FGF12: variants seen among roughly 807,000 people sequenced by gnomAD.
FGF12 encodes fibroblast growth factor 12B.
In FGF12, 14 loss-of-function variants were observed where a neutral mutation model predicts 23.6. That is an observed-to-expected ratio of 0.59 (90% confidence interval 0.39 to 0.93). The LOEUF is 0.93. FGF12 is among the 40% of genes least tolerant of loss of function. FGF12 has a pLI of 0.00. For synonymous variants in FGF12, 62 were observed against 77.3 expected, an observed-to-expected ratio of 0.80 and a Z score of 1.04; for missense variants, 175 against 217.8, an observed-to-expected ratio of 0.80 and a Z score of 1.24.
intron 3 of FGF12, among the ~76,000 whole-genome samples, chr3:192,352,023 A>G (rs1241561901): frequency 6.6e-6 from 1 of 150,540 alleles, no homozygotes; most frequent in Non-Finnish European, 1.5e-5. Flanking sequence ...CTATATCACT[A>G]CATATTTTTC....
At chr3:192,560,368 T>A (rs1711969191) in intron 2 of FGF12, among the ~76,000 whole-genome samples, 1 of 150,894 alleles carries the variant, frequency 6.6e-6, no homozygotes, top group Non-Finnish European at 1.5e-5. Context: ...AGAGCAAAAA[T>A]CAAAATATAA....
intron 4 of FGF12, among the ~76,000 whole-genome samples, chr3:192,254,320 G>T (rs536154360): frequency 1.0e-3 from 158 of 151,636 alleles, no homozygotes; most frequent in African/African-American, 3.7e-3. Context: ...TGTCCTCTAG[G>T]TTCATTTATG....
rs541465354 is a variant in FGF12 at position 192,551,580 on chromosome 3, C to T, written c.13+175601G>A. 2.6e-5 allele frequency among the ~76,000 whole-genome samples: 4 copies of T among 152,300 alleles called. No individual in the cohort carries two copies. The South Asian group carries it at 8.3e-4, about 32-fold the overall frequency. On this transcript the variant is annotated intron_variant, in intron 2 of 5. Transcript: ENST00000445105. ...AGCTTCACTGAGCAACAAAAGCATT[C>T]GGTCGAGATGCTGGAATGACCATGC...
chr3:192,157,927 A>G (rs1377960269), intron 5 of FGF12, among the ~76,000 whole-genome samples: 1 of 152,192 alleles, frequency 6.6e-6, no homozygotes, highest in Non-Finnish European at 1.5e-5. Context: ...AGATACTTTT[A>G]GTGGCCTGTT....
chr3:192,685,796 A>G (rs1451903071), intron 2 of FGF12, among the ~76,000 whole-genome samples: 7 of 152,248 alleles, frequency 4.6e-5, no homozygotes, highest in African/African-American at 1.7e-4. Flanking sequence ...TGTGATAAAA[A>G]GATTTACTTA....
At chr3:192,567,643 C>CT (rs1036171065) in intron 2 of FGF12, among the ~76,000 whole-genome samples, 3 of 152,096 alleles carry the variant, frequency 2.0e-5, no homozygotes, top group Non-Finnish European at 4.4e-5. Flanking sequence ...CCTCTCTTGA[C>CT]TTTTTAGCTT....
At chr3:192,181,891 T>G (rs563491832) in intron 4 of FGF12, among the ~76,000 whole-genome samples, 1 of 151,876 alleles carries the variant, frequency 6.6e-6, no homozygotes, top group East Asian at 2.0e-4. Flanking sequence ...ATTACAGACA[T>G]GGGCCACCAT....
intron 4 of FGF12, among the ~76,000 whole-genome samples, chr3:192,292,283 G>C (rs1330265647): frequency 6.6e-6 from 1 of 151,808 alleles, no homozygotes; most frequent in African/African-American, 2.4e-5. Context: ...CATTGTGTCA[G>C]GAATACCAAA....
intron 2 of FGF12, among the ~76,000 whole-genome samples, chr3:192,607,116 T>C (rs1346166260): frequency 6.6e-6 from 1 of 152,100 alleles, no homozygotes; most frequent in East Asian, 2.0e-4. Flanking sequence ...GTTTTCACTG[T>C]TGTTTATTTA....
chr3:192,202,817 TA>T (rs1174932998), intron 4 of FGF12, among the ~76,000 whole-genome samples: 8 of 152,174 alleles, frequency 5.3e-5, no homozygotes, highest in Non-Finnish European at 1.2e-4. Flanking sequence ...CTTTGCAACT[TA>T]AAAAGTGCTA....
At chr3:192,299,909 A>G (rs1309418397) in intron 4 of FGF12, among the ~76,000 whole-genome samples, 1 of 152,178 alleles carries the variant, frequency 6.6e-6, no homozygotes, top group African/African-American at 2.4e-5. Flanking sequence ...ATTCTATTAG[A>G]TATTTCCTCA....
intron 2 of FGF12, among the ~76,000 whole-genome samples, chr3:192,621,913 C>T (rs1270268773): frequency 6.6e-6 from 1 of 152,032 alleles, no homozygotes; most frequent in African/African-American, 2.4e-5. Flanking sequence ...AATATTTACC[C>T]TGTGACGAGA....
chr3:192,333,205 C>G (rs1185151776), intron 4 of FGF12, among the ~76,000 whole-genome samples: 1 of 152,122 alleles, frequency 6.6e-6, no homozygotes, highest in Non-Finnish European at 1.5e-5. Flanking sequence ...GCTTACAATA[C>G]TGTTGTCAAA....
At chr3:192,600,835 A>C (rs1476151289) in intron 2 of FGF12, among the ~76,000 whole-genome samples, 1 of 152,074 alleles carries the variant, frequency 6.6e-6, no homozygotes, top group African/African-American at 2.4e-5. Flanking sequence ...GGTTACTCTT[A>C]TATGCTGTTG....
At position 192,473,882 on chromosome 3, in the gene FGF12, C is replaced by G. The variant is rs1723242417; in HGVS notation, c.14-113344G>C. ...GCCCTCCACCATGAGAATATCATGTCTCCAGACAGGGGTTGTTGCTCTTTC... is the reference window on the plus strand; with the variant it reads ...GCCCTCCACCATGAGAATATCATGTGTCCAGACAGGGGTTGTTGCTCTTTC... On this transcript the variant is annotated intron_variant, in intron 2 of 5. Transcript: ENST00000445105. 2.0e-5 allele frequency among the ~76,000 whole-genome samples: 3 copies of G among 152,158 alleles called. No homozygotes were observed. In the South Asian group the frequency reaches 6.2e-4, roughly 32 times the overall value.
intron 2 of FGF12, among the ~76,000 whole-genome samples, chr3:192,577,160 A>G (rs958501162): frequency 9.2e-5 from 14 of 152,212 alleles, no homozygotes; most frequent in African/African-American, 3.1e-4. Flanking sequence ...CCTATGTAAC[A>G]AACCTGCACA....
At chr3:192,347,843 G>C (rs540904457) in intron 3 of FGF12, among the ~76,000 whole-genome samples, 1 of 152,180 alleles carries the variant, frequency 6.6e-6, no homozygotes, top group Admixed American at 6.5e-5. Context: ...ACTTTCCAAG[G>C]CACTTCCTTC....
intron 2 of FGF12, among the ~76,000 whole-genome samples, chr3:192,680,874 A>G (rs75964673): frequency 0.024 from 3,632 of 152,266 alleles, 60 homozygotes; most frequent in Middle Eastern, 0.048. Flanking sequence ...CCCTACCTAT[A>G]AAGCCCAGGC....
chr3:192,327,024 A>T (rs1183919995), intron 4 of FGF12, among the ~76,000 whole-genome samples: 1 of 152,196 alleles, frequency 6.6e-6, no homozygotes, highest in Non-Finnish European at 1.5e-5. Context: ...GCAGTATGGT[A>T]TTATGAAAAG....
Sources: gnomAD v4.1 joint callset for allele counts (sites outside exome capture counted in the v4.1 genomes callset) on GRCh38, gnomAD v4.1.1 for gene constraint, MANE v1.5 for transcripts, NCBI Gene and HGNC (gene_info 2026-07-23, HGNC 2026-07-21) for gene names.